The following BRINP1 variants were observed in gnomAD, a reference collection of about 807,000 sequenced individuals.
BRINP1 encodes the protein BMP/retinoic acid inducible neural specific 1.
Under a neutral mutation model 72.9 loss-of-function variants are expected in BRINP1, and 17 were observed. The observed-to-expected ratio is 0.23, with a 90% confidence interval of 0.16 to 0.35. The LOEUF is 0.35. BRINP1 is among the 10% of genes least tolerant of loss of function. The probability of loss-of-function intolerance (pLI) is 1.00; values close to 1 mark genes in which losing one functional copy is unlikely to be tolerated. For synonymous variants in BRINP1, 418 were observed against 378.5 expected (o/e 1.10, Z -1.21); for missense variants, 850 against 1,001.6 (o/e 0.85, Z 2.04).
At chr9:119,170,520 G>GTGAT (rs1386243072) in intron 7 of BRINP1, among the ~76,000 whole-genome samples, 1 of 152,134 alleles carries the variant, frequency 6.6e-6, no homozygotes, top group East Asian at 1.9e-4. Context: ...GTACCTGAAA[G>GTGAT]TGATGGGGAG....
intron 5 of BRINP1, among the ~76,000 whole-genome samples, chr9:119,220,775 A>G (rs990577699): frequency 6.6e-6 from 1 of 152,188 alleles, no homozygotes; most frequent in African/African-American, 2.4e-5. Context: ...TAGGCCTGGA[A>G]ATAATGAATA....
chr9:119,167,815 G>T lies in BRINP1; in HGVS notation c.1555C>A (p.Arg519=). 1.2e-6 allele frequency: 2 copies of T among 1,614,090 alleles called. No individual in the cohort carries two copies. The highest frequency in any genetic ancestry group is 1.7e-6 in the Non-Finnish European group (2 of 1,180,024). ...GTGAGGGACATGCGCTTGCGCCACC[G>T]AGGGTCAAAGAAGGTGTCGAGGCGG... ...EIRLDTFFDP[R]WRKRMSLTLK... The change falls in exon 8 of 8, where the codon CGG becomes AGG. Residue 519 remains arginine, a synonymous_variant. Transcript: ENST00000265922. The surrounding 1 kb of genome is among the most constrained non-coding windows in gnomAD (Gnocchi z 4.3).
At chr9:119,361,177 C>T (rs1375253069) in intron 1 of BRINP1, among the ~76,000 whole-genome samples, 1 of 152,142 alleles carries the variant, frequency 6.6e-6, no homozygotes, top group Non-Finnish European at 1.5e-5. Context: ...TCAGTCTATT[C>T]TCCTTAAGGC....
intron 1 of BRINP1, among the ~76,000 whole-genome samples, chr9:119,365,789 AG>A (rs1564259302): frequency 6.6e-6 from 1 of 152,020 alleles, no homozygotes; most frequent in African/African-American, 2.4e-5. Context: ...GGGGCCCAAG[AG>A]CTGATTTGGC....
At chr9:119,281,310 GCAAT>G (rs1830708919) in intron 2 of BRINP1, among the ~76,000 whole-genome samples, 1 of 152,134 alleles carries the variant, frequency 6.6e-6, no homozygotes, top group African/African-American at 2.4e-5. Context: ...GTTGCAATCT[GCAAT>G]CAATCAGCCT....
chr9:119,354,492 T>G (rs1333162449), intron 1 of BRINP1, among the ~76,000 whole-genome samples: 1 of 152,116 alleles, frequency 6.6e-6, no homozygotes, highest in Non-Finnish European at 1.5e-5. Context: ...TTCAGTGGTT[T>G]TCTTAGAATC....
intron 7 of BRINP1, among the ~76,000 whole-genome samples, chr9:119,169,410 G>C (rs1224355086): frequency 2.0e-5 from 3 of 152,216 alleles, no homozygotes; most frequent in Non-Finnish European, 1.5e-5. Flanking sequence ...ACCGAATACT[G>C]TGCTTTTCCG....
At chr9:119,351,688 T>C (rs1056077877) in intron 1 of BRINP1, among the ~76,000 whole-genome samples, 11 of 152,248 alleles carry the variant, frequency 7.2e-5, no homozygotes, top group Admixed American at 6.5e-5. Context: ...GTTTAGGGGC[T>C]TATTTTCTGA....
chr9:119,330,297 C>T (rs1373906366), intron 1 of BRINP1, among the ~76,000 whole-genome samples: 1 of 152,156 alleles, frequency 6.6e-6, no homozygotes, highest in African/African-American at 2.4e-5. Flanking sequence ...TATTTCTACC[C>T]TGCCTACTTT....
At chr9:119,247,458 C>T (rs1232205121) in intron 3 of BRINP1, among the ~76,000 whole-genome samples, 1 of 151,806 alleles carries the variant, frequency 6.6e-6, no homozygotes, top group Non-Finnish European at 1.5e-5. Context: ...CAAGACCATC[C>T]TGTCAACACG....
chr9:119,241,888 G>C (rs1830253413), intron 4 of BRINP1, among the ~76,000 whole-genome samples, 159 bp downstream of exon 4: 1 of 152,182 alleles, frequency 6.6e-6, no homozygotes, highest in Admixed American at 6.5e-5. Flanking sequence ...ATTAATTACA[G>C]GGTATGTGAC....
intron 2 of BRINP1, chr9:119,282,946 A>G (rs1830727981): frequency 8.1e-6 from 8 of 985,260 alleles, no homozygotes; most frequent in South Asian, 4.7e-5. Context: ...TCTCTCTTCA[A>G]TGTTATATTA....
In BRINP1 at chr9:119,355,622, G is replaced by A. The variant is rs574792404; in HGVS notation, c.-51+13434C>T. Among the ~76,000 whole-genome samples the A allele has an allele frequency of 1.2e-3, 183 of 151,892 alleles. 1 individual carries two copies. The highest frequency in any genetic ancestry group is 1.9e-3 in the Non-Finnish European group (132 of 67,946). On this transcript the variant is annotated intron_variant, in intron 1 of 7. Transcript: ENST00000265922. Reference sequence around the variant, plus strand: ...TGGGTGCCTGTAGTCCCAGCTACTCGGGAAGCTGAGGCAGGAGAATGGTGT... The same window carrying A: ...TGGGTGCCTGTAGTCCCAGCTACTCAGGAAGCTGAGGCAGGAGAATGGTGT...
intron 7 of BRINP1, among the ~76,000 whole-genome samples, chr9:119,173,144 G>C (rs2118825387): frequency 6.8e-6 from 1 of 147,362 alleles, no homozygotes; most frequent in Admixed American, 6.8e-5. Flanking sequence ...CAATTAGGCA[G>C]GAGAAGGAAA....
intron 1 of BRINP1, among the ~76,000 whole-genome samples, chr9:119,346,630 A>C (rs767279426): frequency 5.3e-5 from 8 of 152,310 alleles, no homozygotes; most frequent in Non-Finnish European, 1.2e-4. Flanking sequence ...TGAAAAAAAA[A>C]CAATTCCAAC....
chr9:119,338,669 G>A (rs1217387516), intron 1 of BRINP1, among the ~76,000 whole-genome samples: 3 of 146,214 alleles, frequency 2.1e-5, no homozygotes, highest in African/African-American at 7.6e-5. Flanking sequence ...TCAGAAGATC[G>A]AGACCATCCT....
intron 2 of BRINP1, among the ~76,000 whole-genome samples, chr9:119,300,541 A>G (rs376820497): frequency 3.3e-5 from 5 of 152,284 alleles, no homozygotes; most frequent in Middle Eastern, 3.4e-3. Context: ...TAAAAAATAA[A>G]AAATAATAAC....
At chr9:119,200,746 A>C (rs1829797655) in intron 7 of BRINP1, among the ~76,000 whole-genome samples, 1 of 152,112 alleles carries the variant, frequency 6.6e-6, no homozygotes, top group Admixed American at 6.6e-5. Flanking sequence ...ATATAAAATA[A>C]GTCCTGAAAC....
intron 2 of BRINP1, among the ~76,000 whole-genome samples, chr9:119,310,453 G>A (rs1831049776): frequency 6.6e-6 from 1 of 152,194 alleles, no homozygotes; most frequent in Admixed American, 6.5e-5. Flanking sequence ...GGTTCTCATT[G>A]TTGTCACTAG....
Sources: gnomAD v4.1 joint callset for allele counts (sites outside exome capture counted in the v4.1 genomes callset) on GRCh38, gnomAD v4.1.1 for gene constraint, Gnocchi (gnomAD v3.1) non-coding constraint, MANE v1.5 for transcripts, NCBI Gene and HGNC (gene_info 2026-07-23, HGNC 2026-07-21) for gene names.